ACTR3B: variants seen among roughly 807,000 people sequenced by gnomAD.
ACTR3B encodes actin-related protein 3B.
A neutral mutation model predicts 59.0 loss-of-function variants in ACTR3B; 8 were observed. The ratio of observed to expected loss-of-function variants is 0.14; its 90% confidence interval spans 0.08 to 0.24. The LOEUF (loss-of-function observed/expected upper bound fraction) is 0.24, where lower values mean the gene tolerates loss of function less well. ACTR3B is among the 10% of genes least tolerant of loss of function. ACTR3B has a pLI of 1.00. For synonymous variants in ACTR3B, 148 were observed against 197.9 expected (o/e 0.75, Z 2.12); for missense variants, 245 against 552.3 (o/e 0.44, Z 5.58).
intron 2 of ACTR3B, among the ~76,000 whole-genome samples, chr7:152,796,002 C>T (rs1178793562): frequency 6.6e-6 from 1 of 152,088 alleles, no homozygotes; most frequent in Admixed American, 6.5e-5. Context: ...CGCCCCCATG[C>T]CTGGCTAATT....
At chr7:152,819,408 C>T (rs1318164049) in intron 6 of ACTR3B, among the ~76,000 whole-genome samples, 5 of 152,210 alleles carry the variant, frequency 3.3e-5, no homozygotes, top group African/African-American at 4.8e-5. Flanking sequence ...GTGTCTTTAC[C>T]GGATGATCCA....
intron 2 of ACTR3B, among the ~76,000 whole-genome samples, chr7:152,799,466 T>C (rs1272339541): frequency 3.9e-5 from 6 of 152,324 alleles, no homozygotes; most frequent in Non-Finnish European, 1.5e-5. Flanking sequence ...TAAAATAGTG[T>C]GCAAAAGGAA....
At chr7:152,845,170 T>G (rs1798170837) in intron 9 of ACTR3B, among the ~76,000 whole-genome samples, 1 of 151,388 alleles carries the variant, frequency 6.6e-6, no homozygotes, top group Admixed American at 6.6e-5. Context: ...TAATATACAT[T>G]TATATACAGT....
intron 4 of ACTR3B, among the ~76,000 whole-genome samples, chr7:152,808,026 G>A (rs1282070716): frequency 2.6e-5 from 4 of 152,220 alleles, no homozygotes; most frequent in South Asian, 4.2e-4. Flanking sequence ...CGTTGAACAC[G>A]AATTCTCTTT....
intron 9 of ACTR3B, among the ~76,000 whole-genome samples, chr7:152,845,695 G>A (rs908090993): frequency 1.3e-5 from 2 of 152,196 alleles, no homozygotes; most frequent in African/African-American, 2.4e-5. Context: ...CCTGCTCGTG[G>A]GGTGGTGTGT....
At chr7:152,842,799 G>A (rs1330421847) in intron 9 of ACTR3B, among the ~76,000 whole-genome samples, 1 of 152,196 alleles carries the variant, frequency 6.6e-6, no homozygotes, top group East Asian at 1.9e-4. Context: ...AAGTACCCAG[G>A]AGTGCAGTTG....
chr7:152,790,401 T>C (rs549780627), intron 2 of ACTR3B, among the ~76,000 whole-genome samples: 1 of 152,366 alleles, frequency 6.6e-6, no homozygotes, highest in East Asian at 1.9e-4. Flanking sequence ...CAGGCTGGTC[T>C]CAAACTCCTG....
At chr7:152,825,478 A>AT (rs939240741) in intron 9 of ACTR3B, among the ~76,000 whole-genome samples, 223 of 146,566 alleles carry the variant, frequency 1.5e-3, no homozygotes, top group African/African-American at 2.0e-3. Flanking sequence ...CACCCAGCGA[A>AT]TTTTTTTTTT....
chr7:152,818,080 G>T (rs1377883795), intron 6 of ACTR3B, among the ~76,000 whole-genome samples: 1 of 152,162 alleles, frequency 6.6e-6, no homozygotes, highest in Non-Finnish European at 1.5e-5. Flanking sequence ...ATCTTGAGAA[G>T]AGTTAGTGCC....
At chr7:152,832,341 T>C (rs1219238345) in intron 9 of ACTR3B, among the ~76,000 whole-genome samples, 1 of 152,034 alleles carries the variant, frequency 6.6e-6, no homozygotes, top group Non-Finnish European at 1.5e-5. Context: ...GGGCCAGACA[T>C]AGAGATTTGA....
At chr7:152,843,379 A>G (rs948659502) in intron 9 of ACTR3B, among the ~76,000 whole-genome samples, 8 of 152,242 alleles carry the variant, frequency 5.3e-5, no homozygotes, top group African/African-American at 9.6e-5. Context: ...GAGAAAGTAA[A>G]TAAATGTTCA....
chr7:152,851,946 C>T (rs1798838256), intron 9 of ACTR3B, among the ~76,000 whole-genome samples, 180 bp from the exon 10 acceptor site: 1 of 148,966 alleles, frequency 6.7e-6, no homozygotes, highest in African/African-American at 2.5e-5. Flanking sequence ...ATTGTTGTCT[C>T]CATAAAAAAA....
intron 1 of ACTR3B, among the ~76,000 whole-genome samples, chr7:152,769,600 G>A (rs1256260540): frequency 6.6e-6 from 1 of 152,066 alleles, no homozygotes; most frequent in Non-Finnish European, 1.5e-5. Context: ...ATATTTATAT[G>A]TATTGATATG....
intron 4 of ACTR3B, among the ~76,000 whole-genome samples, chr7:152,808,824 C>T (rs2098260464): frequency 6.6e-6 from 1 of 152,094 alleles, no homozygotes; most frequent in Non-Finnish European, 1.5e-5. Context: ...CTTCTATGTG[C>T]CCAGCCCCAT....
intron 2 of ACTR3B, among the ~76,000 whole-genome samples, chr7:152,800,089 C>T (rs1431904170): frequency 1.3e-5 from 2 of 152,120 alleles, no homozygotes; most frequent in East Asian, 3.9e-4. Context: ...ACTAAAAGTA[C>T]ATTTTAAGGC....
chr7:152,829,567 C>T (rs943122962), intron 9 of ACTR3B, among the ~76,000 whole-genome samples: 10 of 152,134 alleles, frequency 6.6e-5, no homozygotes, highest in African/African-American at 2.2e-4. Context: ...GTGGGGCCTG[C>T]GGGGAAGCCT....
chr7:152,819,774 T>TA (rs2116850148), intron 6 of ACTR3B, among the ~76,000 whole-genome samples: 1 of 152,054 alleles, frequency 6.6e-6, no homozygotes, highest in South Asian at 2.1e-4. Context: ...GTTTGCCTCA[T>TA]ACGATGGACA....
At chr7:152,836,918 C>G (rs1221536231) in intron 9 of ACTR3B, among the ~76,000 whole-genome samples, 1 of 152,158 alleles carries the variant, frequency 6.6e-6, no homozygotes, top group African/African-American at 2.4e-5. Context: ...TGTGTGTAAT[C>G]CCAGCACTTT....
intron 6 of ACTR3B, among the ~76,000 whole-genome samples, chr7:152,817,886 A>T (rs1194039712): frequency 6.6e-6 from 1 of 152,212 alleles, no homozygotes; most frequent in Non-Finnish European, 1.5e-5. Context: ...GTATCACTGC[A>T]GAGGAAAGGC....
Sources: allele counts gnomAD v4.1 joint callset (sites outside exome capture counted in the v4.1 genomes callset), GRCh38; gene constraint gnomAD v4.1.1; transcripts MANE v1.5; gene names NCBI Gene and HGNC (gene_info 2026-07-23, HGNC 2026-07-21).